The following RASEF variants were observed in gnomAD, a reference collection of about 807,000 sequenced individuals.
RASEF encodes RAS and EF-hand domain containing, also known as ras and EF-hand domain-containing protein.
Under a neutral mutation model 90.1 loss-of-function variants are expected in RASEF, and 68 were observed. The observed-to-expected ratio is 0.75, with a 90% confidence interval of 0.62 to 0.92. The LOEUF (loss-of-function observed/expected upper bound fraction) is 0.92, where lower values mean the gene tolerates loss of function less well. Ranked by LOEUF, RASEF falls within the 40% of genes least tolerant of loss-of-function variation. RASEF has a pLI of 0.00. For missense variants in RASEF, 949 were observed against 937.2 expected (o/e 1.01, Z -0.16); for synonymous variants, 331 against 345.2 (o/e 0.96, Z 0.46).
the RASEF span, among the ~76,000 whole-genome samples, chr9:83,211,947 T>C: frequency 2.0e-5 from 3 of 152,206 alleles, no homozygotes; most frequent in Admixed American, 6.5e-5. Flanking sequence ...ATTGTACTCA[T>C]GTATAATTAG....
At chr9:83,115,159 C>T in the RASEF span, among the ~76,000 whole-genome samples, 6 of 152,230 alleles carry the variant, frequency 3.9e-5, no homozygotes, top group East Asian at 1.2e-3. Flanking sequence ...GGGTGAATTT[C>T]ACCCGATATC....
At chr9:83,053,547 TA>T (rs1241496595) in intron 1 of RASEF, among the ~76,000 whole-genome samples, 7 of 127,996 alleles carry the variant, frequency 5.5e-5, no homozygotes, top group African/African-American at 2.2e-4. Context: ...CATTTATATT[TA>T]AAGTTAATAT....
Position 83,062,622 on chromosome 9 carries a change from G to A in RASEF, c.246C>T (p.Asp82=), listed in dbSNP as rs1200172151. 6.4e-7 allele frequency: 1 copy of A among 1,555,474 alleles called. No individual in the cohort carries two copies. Among genetic ancestry groups the A allele is most frequent in the Non-Finnish European group, 8.7e-7 (1 of 1,155,374 alleles). The change falls in exon 1 of 17, where the codon GAC becomes GAT. Residue 82 remains aspartate, a synonymous_variant. Coordinates refer to ENST00000376447, the MANE Select transcript of RASEF (RefSeq NM_152573.4). ...LGSLRGGRRR[D]WGPLDPAPAV... ...CGGGCGCGGGATCCAGAGGACCCCA[G>A]TCCCGGCGCCGCCCCCCGCGGAGGG...
intron 1 of RASEF, among the ~76,000 whole-genome samples, chr9:83,030,024 A>G (rs2118593408): frequency 6.6e-6 from 1 of 152,300 alleles, no homozygotes; most frequent in East Asian, 1.9e-4. Flanking sequence ...AAAAAGCATA[A>G]AAACCTGCTC....
chr9:83,144,434 G>GAAA, the RASEF span, among the ~76,000 whole-genome samples: 31 of 118,186 alleles, frequency 2.6e-4, no homozygotes, highest in Middle Eastern at 4.4e-3. Flanking sequence ...AAGAAAGAAA[G>GAAA]GAAAAGAAAA....
the RASEF span, among the ~76,000 whole-genome samples, chr9:83,166,720 C>G: frequency 3.6e-4 from 55 of 152,308 alleles, no homozygotes; most frequent in African/African-American, 1.2e-3. Context: ...ATTTATTTAG[C>G]TAGTGCAAAG....
At position 83,062,680 on chromosome 9, in the gene RASEF, G is replaced by A; in HGVS notation, c.188C>T (p.Thr63Ile). The A allele has an allele frequency of 1.9e-6, 3 of 1,575,560 alleles. No homozygotes were observed. The highest frequency in any genetic ancestry group is 2.6e-6 in the Non-Finnish European group (3 of 1,169,300). The part of the protein sequence containing the change: ...RLDADRDGAI[T>I]FQEFARGFLG... ...GAAGCCACGCGCGAACTCCTGGAAGGTGATGGCGCCGTCACGGTCGGCGTC... is the reference window on the plus strand; with the variant it reads ...GAAGCCACGCGCGAACTCCTGGAAGATGATGGCGCCGTCACGGTCGGCGTC... Residue 63 changes from threonine (T) to isoleucine (I), a missense_variant, in exon 1 of 17, where the codon ACC becomes ATC. Transcript: ENST00000376447.
chr9:82,985,666 G>A (rs1192394337), intron 16 of RASEF, among the ~76,000 whole-genome samples: 1 of 152,178 alleles, frequency 6.6e-6, no homozygotes, highest in African/African-American at 2.4e-5. Flanking sequence ...GAAACCCTGA[G>A]GCAGAAATTC....
At chr9:83,013,394 T>C (rs1434791800) in intron 4 of RASEF, among the ~76,000 whole-genome samples, 3 of 152,218 alleles carry the variant, frequency 2.0e-5, no homozygotes, top group South Asian at 2.1e-4. Context: ...AAAGGGATAG[T>C]GTTTACATAA....
the RASEF span, among the ~76,000 whole-genome samples, chr9:83,101,093 C>G: frequency 1.3e-5 from 2 of 152,146 alleles, no homozygotes; most frequent in African/African-American, 4.8e-5. Flanking sequence ...GATTCTGTCC[C>G]CCTTTAAATG....
At chr9:83,087,390 A>T in the RASEF span, among the ~76,000 whole-genome samples, 7 of 113,390 alleles carry the variant, frequency 6.2e-5, no homozygotes, top group African/African-American at 3.2e-5. Flanking sequence ...TTGCTCATAC[A>T]AATGTTCTCA....
At chr9:83,160,842 C>G in the RASEF span, among the ~76,000 whole-genome samples, 1 of 152,152 alleles carries the variant, frequency 6.6e-6, no homozygotes, top group African/African-American at 2.4e-5. Flanking sequence ...CCCAGCTGCT[C>G]CAGCTGTGAC....
rs567633870 is a variant in RASEF, at chr9:83,016,629, G to C, written c.670-729C>G. Among the ~76,000 whole-genome samples, 11 of 152,188 alleles carry C rather than the reference G, an allele frequency of 7.2e-5. No homozygotes were observed. The East Asian group carries it at 1.2e-3, about 16-fold the overall frequency. ...ATGGTTCTAAGGGACTGGGGACATG[G>C]GGACAGAGAGGGGGATAATAAAACT... On this transcript the variant is annotated intron_variant, in intron 3 of 16. Coordinates refer to ENST00000376447, the MANE Select transcript of RASEF (RefSeq NM_152573.4).
chr9:82,994,238 G>T (rs541034290), intron 14 of RASEF, among the ~76,000 whole-genome samples: 2 of 152,236 alleles, frequency 1.3e-5, no homozygotes, highest in East Asian at 3.9e-4. Flanking sequence ...TCATTAATGC[G>T]CTCGTTAATT....
At chr9:83,001,695 C>T (rs578046173) in intron 9 of RASEF, among the ~76,000 whole-genome samples, 2 of 152,320 alleles carry the variant, frequency 1.3e-5, no homozygotes, top group African/African-American at 2.4e-5. Context: ...AAGAAGACCA[C>T]ATCCTCTCAG....
intron 5 of RASEF, among the ~76,000 whole-genome samples, chr9:83,011,464 A>G (rs757186020): frequency 6.8e-6 from 1 of 147,306 alleles, no homozygotes; most frequent in Non-Finnish European, 1.5e-5. Context: ...AGGCAGGAGA[A>G]TCACTTGAAC....
At chr9:83,111,706 C>T in the RASEF span, among the ~76,000 whole-genome samples, 20 of 150,734 alleles carry the variant, frequency 1.3e-4, no homozygotes, top group Admixed American at 1.1e-3. Flanking sequence ...TTCTGGTTTC[C>T]GAATATAATA....
intron 7 of RASEF, among the ~76,000 whole-genome samples, chr9:83,006,215 C>T (rs905837541): frequency 1.4e-4 from 22 of 152,228 alleles, no homozygotes; most frequent in Non-Finnish European, 5.9e-5. Context: ...GGCCAATGCT[C>T]CCCTTAGGGG....
the RASEF span, among the ~76,000 whole-genome samples, chr9:83,211,220 A>C: frequency 2.0e-5 from 3 of 152,304 alleles, no homozygotes; most frequent in African/African-American, 7.2e-5. Context: ...TCTAATTTTT[A>C]AGGTAGCCAC....
Sources: allele counts gnomAD v4.1 joint callset (sites outside exome capture counted in the v4.1 genomes callset), GRCh38; gene constraint gnomAD v4.1.1; transcripts MANE v1.5; gene names NCBI Gene and HGNC (gene_info 2026-07-23, HGNC 2026-07-21).